The following IQSEC3 variants were observed in gnomAD, a reference collection of about 807,000 sequenced individuals.
IQSEC3 encodes IQ motif and SEC7 domain-containing protein 3.
A neutral mutation model predicts 105.4 loss-of-function variants in IQSEC3; 50 were observed. That is an observed-to-expected ratio of 0.47 (90% CI 0.38 to 0.60). The LOEUF (loss-of-function observed/expected upper bound fraction) is 0.60, where lower values mean the gene tolerates loss of function less well. Among genes scored for constraint, IQSEC3 ranks in the 20% least tolerant of loss-of-function variants. The pLI is 0.00. For synonymous variants in IQSEC3, 708 were observed against 746.0 expected (o/e 0.95, Z 0.83); for missense variants, 1,415 against 1,630.0 (o/e 0.87, Z 2.27).
intron 1 of IQSEC3, among the ~76,000 whole-genome samples, chr12:70,424 G>A (rs1178910861): frequency 6.6e-6 from 1 of 152,280 alleles, no homozygotes; most frequent in Non-Finnish European, 1.5e-5. Flanking sequence ...TGAATGCAGA[G>A]ATATTATGGA....
chr12:125,357 T>C (rs754345390), intron 2 of IQSEC3, among the ~76,000 whole-genome samples: 7 of 152,154 alleles, frequency 4.6e-5, no homozygotes, highest in Non-Finnish European at 1.0e-4. Flanking sequence ...TGCACCGCTC[T>C]GCCATACTGC....
Position 169,062 on chromosome 12 carries a change from C to T in IQSEC3, c.3021C>T (p.Cys1007=), listed in dbSNP as rs782360292. The part of the protein sequence containing the change: ...QGTKTLSFKP[C]GAQGDPQSKQ... ...CAAAGACACTCTCCTTCAAGCCCTG[C>T]GGAGCCCAGGGGGACCCACAGTCAA... is the stretch of plus-strand genomic sequence containing the variant. Residue 1007 remains cysteine (C), a synonymous_variant, in exon 12 of 14, where the codon TGC becomes TGT. Transcript: ENST00000538872. The T allele has an allele frequency of 5.0e-6, 8 of 1,614,016 alleles. No homozygotes were observed. In the East Asian group the frequency reaches 6.7e-5, roughly 13 times the overall value.
At chr12:118,879 C>T (rs1269091000) in intron 2 of IQSEC3, among the ~76,000 whole-genome samples, 2 of 152,192 alleles carry the variant, frequency 1.3e-5, no homozygotes, top group Non-Finnish European at 2.9e-5. Context: ...GCCTGGGAGC[C>T]CAGAGAGGCT....
At chr12:173,461 T>G (rs1939113409) in intron 13 of IQSEC3, among the ~76,000 whole-genome samples, 1 of 152,090 alleles carries the variant, frequency 6.6e-6, no homozygotes, top group South Asian at 2.1e-4. Flanking sequence ...ACAAACAGGA[T>G]GAGGAAATGC....
At chr12:80,847 G>A (rs1411046362) in intron 1 of IQSEC3, among the ~76,000 whole-genome samples, 2 of 152,190 alleles carry the variant, frequency 1.3e-5, no homozygotes, top group African/African-American at 4.8e-5. Context: ...GGGGAGGGAG[G>A]GAGTTCTGTG....
Position 139,032 on chromosome 12 carries a change from G to A in IQSEC3, c.1669G>A (p.Ala557Thr). Residue 557 changes from alanine (A) to threonine (T), a missense_variant, in exon 4 of 14, where the codon GCT becomes ACT. Transcript: ENST00000538872. ...GTCAGCCGAGGACTCATGCGCAGAG[G>A]CTGCGGCTAGTGGGGCGGCGGATGG... ...DASAEDSCAE[A>T]AASGAADGAT... 1 of 1,500,826 alleles carries A rather than the reference G, an allele frequency of 6.7e-7. No individual in the cohort carries two copies. The allele number at this position is 1,500,826 out of a possible 1,614,324, so 93.0% of individuals were successfully genotyped here.
chr12:118,248 T>C (rs1414579740), intron 2 of IQSEC3, among the ~76,000 whole-genome samples: 3 of 152,092 alleles, frequency 2.0e-5, no homozygotes, highest in Non-Finnish European at 4.4e-5. Context: ...AGTGAGTTGA[T>C]TTCTTGTCTT....
Position 165,830 on chromosome 12 carries a change from G to A in IQSEC3, c.2911G>A (p.Val971Met), listed in dbSNP as rs781933231. 7 of 1,613,996 alleles carry A rather than the reference G, an allele frequency of 4.3e-6. No individual in the cohort carries two copies. Among genetic ancestry groups the A allele is most frequent in the Admixed American group, 3.3e-5 (2 of 60,014 alleles). The change falls in exon 11 of 14, where the codon GTG becomes ATG. Residue 971 changes from valine to methionine, a missense_variant. By Grantham distance (21) the Val-to-Met change is conservative. Around this residue, in one of 6 missense-constraint regions of IQSEC3, gnomAD observed 419 missense variants for 436.2 expected, o/e 0.96. Coordinates refer to ENST00000538872, the MANE Select transcript of IQSEC3 (RefSeq NM_001170738.2). ...ALGSDEMQKFVEDLKESIAEV... is the reference protein window; with the variant it reads ...ALGSDEMQKFMEDLKESIAEV... ...GGGCTCGGACGAGATGCAGAAGTTC[G>A]TGGAGGACCTGAAGGAGTCCATTGC...
At chr12:156,900 C>A in intron 5 of IQSEC3, 125 bp from the exon 6 acceptor site, 1 of 1,232,288 alleles carries the variant, frequency 8.1e-7, no homozygotes, top group Non-Finnish European at 1.1e-6. Context: ...AAAGGGCGAC[C>A]CCCGGGGGTG....
intron 2 of IQSEC3, among the ~76,000 whole-genome samples, chr12:108,686 T>C (rs1864766385): frequency 6.6e-6 from 1 of 152,188 alleles, no homozygotes; most frequent in Non-Finnish European, 1.5e-5. Flanking sequence ...AGGAGGAACT[T>C]GAGGAGGCAA....
Position 83,275 on chromosome 12 carries a change from A to G in IQSEC3, c.554+15839A>G, listed in dbSNP as rs1380412486. Among the ~76,000 whole-genome samples, 3 of 152,184 alleles carry G rather than the reference A, an allele frequency of 2.0e-5. No individual in the cohort carries two copies. The East Asian group carries it at 5.8e-4, about 29-fold the overall frequency. ...CAAGTATTTGTTGAGCACCTACGGCATGTCAGGGGCACAGGGATTCGCGGT... is the reference window on the plus strand; with the variant it reads ...CAAGTATTTGTTGAGCACCTACGGCGTGTCAGGGGCACAGGGATTCGCGGT... On this transcript the variant is annotated intron_variant, in intron 1 of 13. Transcript: ENST00000538872.
Position 66,973 on chromosome 12 carries a change from A to C in IQSEC3, c.91A>C (p.Thr31Pro). The C allele has an allele frequency of 6.5e-7, 1 of 1,526,822 alleles. No homozygotes were observed. Among genetic ancestry groups the C allele is most frequent in the Non-Finnish European group, 8.8e-7 (1 of 1,140,406 alleles). 94.6% of individuals were successfully genotyped at this position (1,526,822 alleles called of 1,614,324 possible). ...IVQNQQSLIH[T>P]QRERIDELER... is the part of the protein sequence containing the mutation. ...GCAGAACCAGCAGAGCCTCATCCAC[A>C]CCCAGCGAGAGCGTATCGACGAGCT... Residue 31 changes from threonine (T) to proline (P), a missense_variant, in exon 1 of 14, where the codon ACC becomes CCC. Coordinates refer to ENST00000538872, the MANE Select transcript of IQSEC3 (RefSeq NM_001170738.2).
At chr12:76,006 C>T (rs1332523933) in intron 1 of IQSEC3, among the ~76,000 whole-genome samples, 3 of 152,210 alleles carry the variant, frequency 2.0e-5, no homozygotes, top group African/African-American at 4.8e-5. Context: ...GAGCCCTCTA[C>T]TCCCTCTGCC....
chr12:138,913 A>T lies in IQSEC3; in HGVS notation c.1550A>T (p.Gln517Leu), dbSNP rs868916541. The change falls in exon 4 of 14, where the codon CAG becomes CTG. Residue 517 changes from glutamine (Q) to leucine (L), a missense_variant. Gln to Leu is a moderately radical substitution (Grantham distance 113, BLOSUM62 -2). Transcript: ENST00000538872. The surrounding 1 kb of genome is among the most constrained non-coding windows in gnomAD (Gnocchi z 7.1). ...VANCLGAQTV[Q>L]APAEPAAGKA... is the part of the protein sequence containing the mutation. Reference sequence around the variant, plus strand: ...AACTGCCTGGGCGCTCAGACGGTCCAGGCCCCCGCAGAGCCCGCGGCGGGC... The same window carrying T: ...AACTGCCTGGGCGCTCAGACGGTCCTGGCCCCCGCAGAGCCCGCGGCGGGC... The T allele has an allele frequency of 6.2e-7, 1 of 1,604,152 alleles. No homozygotes were observed. The highest frequency in any genetic ancestry group is 8.5e-7 in the Non-Finnish European group (1 of 1,176,092).
intron 1 of IQSEC3, among the ~76,000 whole-genome samples, chr12:70,475 T>C (rs1863270762): frequency 6.6e-6 from 1 of 152,276 alleles, no homozygotes; most frequent in Non-Finnish European, 1.5e-5. Flanking sequence ...CTCTGCATGC[T>C]TCTTGATTCT....
intron 2 of IQSEC3, among the ~76,000 whole-genome samples, chr12:115,820 T>A (rs571899584): frequency 6.6e-6 from 1 of 152,288 alleles, no homozygotes; most frequent in Admixed American, 6.5e-5. Flanking sequence ...CCAGCCCTTG[T>A]TACCCTCTGG....
chr12:115,126 T>C (rs1319197614), intron 2 of IQSEC3, among the ~76,000 whole-genome samples: 3 of 152,188 alleles, frequency 2.0e-5, no homozygotes, highest in Non-Finnish European at 4.4e-5. Flanking sequence ...TCCAGAGCAA[T>C]GTCCTACCCT....
At chr12:76,370 G>A (rs1555069149) in intron 1 of IQSEC3, among the ~76,000 whole-genome samples, 5 of 152,268 alleles carry the variant, frequency 3.3e-5, no homozygotes, top group African/African-American at 1.2e-4. Context: ...TTGTGGACCT[G>A]AGTGGGCACG....
chr12:140,984 A>C, intron 4 of IQSEC3, 140 bp from the exon 5 acceptor site: 3 of 818,914 alleles, frequency 3.7e-6, no homozygotes, highest in Non-Finnish European at 5.8e-6. Context: ...CAGTGGGTTG[A>C]GGCTCTGGTG....
Sources: gnomAD v4.1 joint callset for allele counts (sites outside exome capture counted in the v4.1 genomes callset) on GRCh38, gnomAD v4.1.1 for gene constraint, gnomAD v4.1.1 regional missense constraint, Gnocchi (gnomAD v3.1) non-coding constraint, MANE v1.5 for transcripts, NCBI Gene and HGNC (gene_info 2026-07-23, HGNC 2026-07-21) for gene names.